Variants in OSBPL11 observed in about 807,000 individuals in gnomAD.
OSBPL11 encodes oxysterol binding protein like 11.
Under a neutral mutation model 84.4 loss-of-function variants are expected in OSBPL11, and 33 were observed. That is an observed-to-expected ratio of 0.39 (90% confidence interval 0.30 to 0.52). OSBPL11 has a LOEUF of 0.52. Ranked by LOEUF, OSBPL11 falls within the 20% of genes least tolerant of loss-of-function variation. OSBPL11 has a pLI of 0.72. For missense variants in OSBPL11, 736 were observed against 901.1 expected (o/e 0.82, Z 2.35); for synonymous variants, 276 against 310.2 (o/e 0.89, Z 1.16).
chr3:125,577,653 C>T (rs1381050561), intron 4 of OSBPL11, among the ~76,000 whole-genome samples: 1 of 151,916 alleles, frequency 6.6e-6, no homozygotes, highest in Non-Finnish European at 1.5e-5. Context: ...CATGGCGAAA[C>T]CCCGTCTCTA....
At chr3:125,560,738 T>C (rs1176348612) in intron 7 of OSBPL11, among the ~76,000 whole-genome samples, 2 of 152,228 alleles carry the variant, frequency 1.3e-5, no homozygotes, top group Non-Finnish European at 2.9e-5. Flanking sequence ...AGTTTTGCCA[T>C]ATATATCACA....
chr3:125,584,340 C>T (rs567834553), intron 1 of OSBPL11, among the ~76,000 whole-genome samples: 10 of 152,032 alleles, frequency 6.6e-5, no homozygotes, highest in Admixed American at 1.3e-4. Context: ...CACTCCAACC[C>T]GGGTGGCAGA....
At chr3:125,531,527 G>A (rs1935555759) in intron 12 of OSBPL11, among the ~76,000 whole-genome samples, 1 of 149,480 alleles carries the variant, frequency 6.7e-6, no homozygotes, top group African/African-American at 2.5e-5. Flanking sequence ...CTGACCTCAG[G>A]TGATCCGCCT....
intron 2 of OSBPL11, among the ~76,000 whole-genome samples, chr3:125,581,564 C>T (rs774820108): frequency 1.3e-5 from 2 of 151,350 alleles, no homozygotes; most frequent in African/African-American, 2.4e-5. Flanking sequence ...GGCGAGGTGG[C>T]GTGCACCTGT....
chr3:125,563,624 A>C (rs1312705899), intron 7 of OSBPL11, 74 bp downstream of exon 7: 2 of 1,460,492 alleles, frequency 1.4e-6, no homozygotes, highest in Non-Finnish European at 1.9e-6. Flanking sequence ...TGAGCTGACA[A>C]TGAAAAGAAA....
intron 5 of OSBPL11, among the ~76,000 whole-genome samples, chr3:125,569,187 G>A (rs906076383): frequency 3.9e-5 from 6 of 152,016 alleles, no homozygotes; most frequent in African/African-American, 7.3e-5. Context: ...GGGCTCAAGC[G>A]ATCCACCCAC....
At chr3:125,563,161 G>A (rs1251073382) in intron 7 of OSBPL11, among the ~76,000 whole-genome samples, 1 of 152,088 alleles carries the variant, frequency 6.6e-6, no homozygotes, top group Non-Finnish European at 1.5e-5. Flanking sequence ...TGTTACAGTG[G>A]TAGATTATGA....
At chr3:125,553,948 T>C (rs1022789911) in intron 8 of OSBPL11, among the ~76,000 whole-genome samples, 1 of 152,180 alleles carries the variant, frequency 6.6e-6, no homozygotes, top group Non-Finnish European at 1.5e-5. Context: ...TTTTGAGAGT[T>C]CCTAACTAGA....
intron 10 of OSBPL11, among the ~76,000 whole-genome samples, chr3:125,541,211 C>T (rs1263990388): frequency 6.6e-6 from 1 of 152,148 alleles, no homozygotes; most frequent in Non-Finnish European, 1.5e-5. Context: ...TATTGGTTTG[C>T]CATCCTTGCC....
chr3:125,550,575 T>C (rs1935890461), intron 9 of OSBPL11, among the ~76,000 whole-genome samples: 1 of 152,112 alleles, frequency 6.6e-6, no homozygotes, highest in African/African-American at 2.4e-5. Flanking sequence ...TCTCAAAATA[T>C]TAGATTGGCT....
chr3:125,542,452 C>G (rs1473093425), intron 10 of OSBPL11, among the ~76,000 whole-genome samples: 1 of 151,788 alleles, frequency 6.6e-6, no homozygotes, highest in Non-Finnish European at 1.5e-5. Context: ...ACTCCTGCCT[C>G]AGCCTCCCGA....
intron 11 of OSBPL11, 78 bp from the exon 12 acceptor site, chr3:125,532,092 C>T: frequency 7.2e-7 from 1 of 1,380,286 alleles, no homozygotes; most frequent in Non-Finnish European, 9.8e-7. Flanking sequence ...CTCAAAATTA[C>T]AATAATTTTA....
intron 10 of OSBPL11, 136 bp from the exon 11 acceptor site, chr3:125,538,769 A>C (rs1290220076): frequency 4.8e-6 from 3 of 624,930 alleles, no homozygotes; most frequent in Non-Finnish European, 7.9e-6. Flanking sequence ...GTCAGTGCCA[A>C]AGTTAGATTC....
chr3:125,583,995 G>C (rs925074009), intron 1 of OSBPL11, among the ~76,000 whole-genome samples: 3 of 152,072 alleles, frequency 2.0e-5, no homozygotes, highest in African/African-American at 7.2e-5. Flanking sequence ...CAATGCCCCA[G>C]ACTCTGTCTC....
In OSBPL11 at chr3:125,530,546, T is replaced by G. The variant is rs758954293; in HGVS notation, c.2213A>C (p.Lys738Thr). The G allele has an allele frequency of 3.1e-6, 5 of 1,613,870 alleles. No individual in the cohort carries two copies. The highest frequency in any genetic ancestry group is 4.2e-6 in the Non-Finnish European group (5 of 1,179,890). Reference sequence around the variant, plus strand: ...TGCTGGTTGTGTTGTTGGAATTATTTTCCAAAGTGGTTTATGATAAACCCA... The same window carrying G: ...TGCTGGTTGTGTTGTTGGAATTATTGTCCAAAGTGGTTTATGATAAACCCA... The part of the protein sequence containing the change: ...DGWVYHKPLW[K>T]IIPTTQPAE The change falls in exon 13 of 13, where the codon AAA becomes ACA. Residue 738 changes from lysine (K) to threonine (T), a missense_variant. Coordinates refer to ENST00000296220, the MANE Select transcript of OSBPL11 (RefSeq NM_022776.5).
Position 125,566,939 on chromosome 3 carries a change from C to T in OSBPL11, c.868+455G>A, listed in dbSNP as rs541120266. Reference sequence around the variant, plus strand: ...CTGAGATTACAGGCATGAGCCACCTCGCCTAGCTACAGATTATTTTTCAAA... The same window carrying T: ...CTGAGATTACAGGCATGAGCCACCTTGCCTAGCTACAGATTATTTTTCAAA... On this transcript the variant is annotated intron_variant, in intron 6 of 12. Transcript: ENST00000296220. 5.9e-5 allele frequency among the ~76,000 whole-genome samples: 9 copies of T among 152,060 alleles called. No individual in the cohort carries two copies. In the East Asian group the frequency reaches 9.7e-4, roughly 16 times the overall value.
At chr3:125,538,868 G>A (rs992245573) in intron 10 of OSBPL11, among the ~76,000 whole-genome samples, 2 of 152,136 alleles carry the variant, frequency 1.3e-5, no homozygotes, top group African/African-American at 4.8e-5. Context: ...TCAAATCAGA[G>A]ACTTCATTAT....
chr3:125,556,855 T>C (rs1042421661), intron 8 of OSBPL11, among the ~76,000 whole-genome samples: 1 of 152,194 alleles, frequency 6.6e-6, no homozygotes, highest in African/African-American at 2.4e-5. Flanking sequence ...TAGAGGACTA[T>C]AAATTAGAGG....
intron 5 of OSBPL11, among the ~76,000 whole-genome samples, chr3:125,570,144 G>T (rs938361734): frequency 6.6e-5 from 10 of 152,020 alleles, no homozygotes; most frequent in Non-Finnish European, 1.5e-4. Context: ...TCTTTGTGTA[G>T]AAGGCCCAAA....
Sources: gnomAD v4.1 joint callset for allele counts (sites outside exome capture counted in the v4.1 genomes callset) on GRCh38, gnomAD v4.1.1 for gene constraint, MANE v1.5 for transcripts, NCBI Gene and HGNC (gene_info 2026-07-23, HGNC 2026-07-21) for gene names.